Variants in ELAPOR2 observed in about 807,000 individuals in gnomAD.
ELAPOR2 encodes endosome/lysosome-associated apoptosis and autophagy regulator family member 2.
ELAPOR2 carries 89 observed loss-of-function variants against 120.7 expected under a neutral mutation model. The ratio of observed to expected loss-of-function variants is 0.74; its 90% CI spans 0.62 to 0.88. The LOEUF is 0.88. Among genes scored for constraint, ELAPOR2 ranks in the 40% least tolerant of loss-of-function variants. ELAPOR2 has a pLI of 0.00. For missense variants in ELAPOR2, 1,134 were observed against 1,251.6 expected, an observed-to-expected ratio of 0.91 and a Z score of 1.42; for synonymous variants, 444 against 444.9, an observed-to-expected ratio of 1.00 and a Z score of 0.03.
chr7:87,054,519 C>T (rs895162017), intron 1 of ELAPOR2, among the ~76,000 whole-genome samples: 8 of 152,216 alleles, frequency 5.3e-5, no homozygotes, highest in African/African-American at 1.4e-4. Context: ...GTCCTAACTC[C>T]TTCAATAACA....
At chr7:87,022,795 A>C (rs1794101257) in intron 1 of ELAPOR2, among the ~76,000 whole-genome samples, 1 of 151,070 alleles carries the variant, frequency 6.6e-6, no homozygotes, top group African/African-American at 2.5e-5. Flanking sequence ...ATGGTACCTC[A>C]TTGTGGTTTT....
At chr7:86,994,252 A>G (rs1319075415) in intron 1 of ELAPOR2, among the ~76,000 whole-genome samples, 3 of 152,196 alleles carry the variant, frequency 2.0e-5, no homozygotes, top group Non-Finnish European at 4.4e-5. Flanking sequence ...ATGAAGAAAC[A>G]ACATTAGAGT....
At chr7:86,924,261 C>A (rs1192091536) in intron 10 of ELAPOR2, among the ~76,000 whole-genome samples, 1 of 151,902 alleles carries the variant, frequency 6.6e-6, no homozygotes, top group Non-Finnish European at 1.5e-5. Flanking sequence ...AAAATAGACT[C>A]TCAGTAAATG....
intron 1 of ELAPOR2, among the ~76,000 whole-genome samples, chr7:87,041,188 T>A (rs1794773989): frequency 6.6e-6 from 1 of 152,072 alleles, no homozygotes; most frequent in Non-Finnish European, 1.5e-5. Context: ...GAAAACACGT[T>A]GCAGGATGTT....
chr7:87,048,991 T>C lies in ELAPOR2; in HGVS notation c.189+10334A>G, dbSNP rs1180675219. 2.0e-5 allele frequency among the ~76,000 whole-genome samples: 3 copies of C among 152,236 alleles called. No homozygotes were observed. The East Asian group carries it at 5.8e-4, about 29-fold the overall frequency. ...AACAAACATTGATTATAACACTGTT[T>C]TGATTATACAACAGAAAATTTAAAA... On this transcript the variant is annotated intron_variant, in intron 1 of 21. Transcript: ENST00000450689.
At chr7:86,912,630 T>G (rs1444452129) in intron 14 of ELAPOR2, among the ~76,000 whole-genome samples, 2 of 152,230 alleles carry the variant, frequency 1.3e-5, no homozygotes, top group Non-Finnish European at 1.5e-5. Context: ...ATGACTGCTA[T>G]AGCCAGCCTA....
intron 2 of ELAPOR2, among the ~76,000 whole-genome samples, chr7:86,948,812 G>A (rs930002047): frequency 1.3e-5 from 2 of 152,058 alleles, no homozygotes; most frequent in Non-Finnish European, 2.9e-5. Context: ...GTGCACGATG[G>A]TATTAGTGAC....
chr7:87,026,440 A>T (rs1048505760), intron 1 of ELAPOR2, among the ~76,000 whole-genome samples: 6 of 151,672 alleles, frequency 4.0e-5, no homozygotes, highest in African/African-American at 1.5e-4. Context: ...TAAAGTATAC[A>T]AAGTTAGGAA....
intron 21 of ELAPOR2, among the ~76,000 whole-genome samples, chr7:86,884,942 A>G (rs1249440491): frequency 6.6e-6 from 1 of 152,164 alleles, no homozygotes; most frequent in Non-Finnish European, 1.5e-5. Flanking sequence ...CCTGACTACA[A>G]TACAGAGAGC....
chr7:86,998,869 A>G (rs1325981429), intron 1 of ELAPOR2, among the ~76,000 whole-genome samples: 1 of 151,080 alleles, frequency 6.6e-6, no homozygotes, highest in Admixed American at 6.6e-5. Flanking sequence ...TTTTCAAAGA[A>G]CCTGAGAAAC....
At chr7:86,886,592 C>T (rs1334169530) in intron 21 of ELAPOR2, among the ~76,000 whole-genome samples, 1 of 152,054 alleles carries the variant, frequency 6.6e-6, no homozygotes, top group Non-Finnish European at 1.5e-5. Flanking sequence ...ATTCCCATGC[C>T]CCAGATCTTG....
chr7:86,918,095 A>C (rs1789647700), intron 12 of ELAPOR2, among the ~76,000 whole-genome samples: 2 of 151,980 alleles, frequency 1.3e-5, no homozygotes, highest in South Asian at 4.2e-4. Flanking sequence ...CGGATAGTTC[A>C]AATAGCTGAA....
At chr7:86,908,299 G>T (rs1290470763) in intron 17 of ELAPOR2, 148 bp downstream of exon 17, 2 of 549,362 alleles carry the variant, frequency 3.6e-6, no homozygotes, top group Admixed American at 3.9e-5. Context: ...GAATGCTCAG[G>T]TGACATAGTT....
intron 2 of ELAPOR2, among the ~76,000 whole-genome samples, chr7:86,951,633 G>A (rs907840152): frequency 3.9e-5 from 6 of 152,130 alleles, no homozygotes; most frequent in Non-Finnish European, 7.4e-5. Context: ...CTTGTTATTC[G>A]CAGTAGTTGT....
chr7:86,948,514 T>C (rs1193088750), intron 2 of ELAPOR2, among the ~76,000 whole-genome samples: 1 of 152,142 alleles, frequency 6.6e-6, no homozygotes. Context: ...GCTGATCCAA[T>C]GAGTGACAAC....
intron 1 of ELAPOR2, among the ~76,000 whole-genome samples, chr7:87,017,771 A>T (rs1456923329): frequency 6.6e-6 from 1 of 152,148 alleles, no homozygotes; most frequent in Non-Finnish European, 1.5e-5. Context: ...AAATACAAAA[A>T]TTAGCCGGGC....
intron 21 of ELAPOR2, among the ~76,000 whole-genome samples, chr7:86,887,006 TC>T (rs1456370987): frequency 2.6e-5 from 4 of 152,228 alleles, no homozygotes; most frequent in Admixed American, 1.3e-4. Flanking sequence ...ACACATTACC[TC>T]CCTTGATAAA....
intron 1 of ELAPOR2, chr7:86,966,051 G>T: frequency 1.5e-6 from 1 of 676,746 alleles, no homozygotes; most frequent in Non-Finnish European, 1.8e-6. Flanking sequence ...AAATCATCAA[G>T]TCTGGGTTCC....
At chr7:86,916,955 ATTTTTTTTTTTTTTTTTTT>A (rs58682563) in intron 12 of ELAPOR2, among the ~76,000 whole-genome samples, 1 of 86,700 alleles carries the variant, frequency 1.2e-5, no homozygotes, top group Non-Finnish European at 2.1e-5. Context: ...TGGCCAGCTA[ATTTTTTTTTTTTTTTTTTT>A]TTTTTTTTTT....
Sources: allele counts gnomAD v4.1 joint callset (sites outside exome capture counted in the v4.1 genomes callset), GRCh38; gene constraint gnomAD v4.1.1; transcripts MANE v1.5; gene names NCBI Gene and HGNC (gene_info 2026-07-23, HGNC 2026-07-21).